The following USP34 variants were observed in gnomAD, a reference collection of about 807,000 sequenced individuals.
USP34 encodes ubiquitin specific peptidase 34.
Under a neutral mutation model 460.3 loss-of-function variants are expected in USP34, and 70 were observed. The observed-to-expected ratio is 0.15, with a 90% confidence interval of 0.13 to 0.19. USP34 has a LOEUF of 0.19. Ranked by LOEUF, USP34 falls within the 10% of genes least tolerant of loss-of-function variation. The pLI is 1.00. For synonymous variants in USP34, 1,647 were observed against 1,405.3 expected (o/e 1.17, Z -3.85); for missense variants, 3,985 against 4,236.2 (o/e 0.94, Z 1.65).
chr2:61,331,451 A>T (rs1691258477), intron 19 of USP34, 80 bp from the exon 20 acceptor site: 2 of 1,132,618 alleles, frequency 1.8e-6, no homozygotes, highest in East Asian at 2.8e-5. Flanking sequence ...TAAATATGCA[A>T]ATCTAAAAAA....
At position 61,379,634 on chromosome 2, in the gene USP34, TTC is replaced by T. The variant is rs144667007; in HGVS notation, c.1014+533_1014+534del. Among the ~76,000 whole-genome samples the T allele has an allele frequency of 1.3e-3, 196 of 152,334 alleles. 2 individuals are homozygous for T. In the East Asian group the frequency reaches 0.034, roughly 27 times the overall value. On this transcript the variant is annotated intron_variant, in intron 7 of 79. Coordinates refer to ENST00000398571, the MANE Select transcript of USP34 (RefSeq NM_014709.4). ...CTGAGGGATAAAGTTAATTACTTAG[TTC>T]TAACAGACTGTTGTTATGCAAGAAT...
At chr2:61,393,241 G>C (rs571446935) in intron 5 of USP34, among the ~76,000 whole-genome samples, 1 of 152,024 alleles carries the variant, frequency 6.6e-6, no homozygotes, top group East Asian at 1.9e-4. Context: ...GACCAGCCTA[G>C]CCAACATGGT....
intron 1 of USP34, among the ~76,000 whole-genome samples, chr2:61,467,625 T>TTG (rs1488189184): frequency 4.9e-5 from 7 of 142,164 alleles, no homozygotes; most frequent in Middle Eastern, 3.5e-3. Context: ...TTGTTTTTTT[T>TTG]TTTTTTTTTT....
At chr2:61,379,262 T>C (rs1298351632) in intron 7 of USP34, among the ~76,000 whole-genome samples, 1 of 152,206 alleles carries the variant, frequency 6.6e-6, no homozygotes, top group Non-Finnish European at 1.5e-5. Context: ...CTCACGCCTG[T>C]AATCCCAACA....
chr2:61,252,542 C>T (rs928950372), intron 48 of USP34, among the ~76,000 whole-genome samples: 11 of 152,088 alleles, frequency 7.2e-5, no homozygotes, highest in Admixed American at 5.9e-4. Context: ...AATAATTTTC[C>T]ACTGCACATA....
rs374534983 is a variant in USP34 at position 61,311,500 on chromosome 2, G to T, written c.3817+40C>A. 51 of 452,820 alleles carry T rather than the reference G, an allele frequency of 1.1e-4. No individual in the cohort carries two copies. The African/African-American group carries it at 3.8e-3, about 34-fold the overall frequency. 28.1% of individuals were successfully genotyped at this position (452,820 alleles called of 1,614,324 possible). On this transcript the variant is annotated intron_variant, in intron 27 of 79. Transcript: ENST00000398571. ...AAAGAGAAAGAGAAAAAGAAAGAAA[G>T]AGAGAAAGAGAAAGAGAAAATTTGA... is the stretch of plus-strand genomic sequence containing the variant.
chr2:61,217,042 C>T lies in USP34; in HGVS notation c.8048-2348G>A, dbSNP rs78461717. On this transcript the variant is annotated intron_variant, in intron 67 of 79. Transcript: ENST00000398571. The stretch of plus-strand genomic sequence containing the variant: ...TCTACTAAGACCACAGACCTACCAC[C>T]GAGATTCTACAATTAACATTTCACT... Among the ~76,000 whole-genome samples the T allele has an allele frequency of 8.1e-3, 1,228 of 152,080 alleles. 20 individuals carry two copies. The highest frequency in any genetic ancestry group is 0.028 in the African/African-American group (1,168 of 41,458).
At chr2:61,449,012 G>A (rs186379853) in intron 1 of USP34, among the ~76,000 whole-genome samples, 60 of 152,242 alleles carry the variant, frequency 3.9e-4, no homozygotes, top group African/African-American at 1.4e-3. Flanking sequence ...AAATTAGCAA[G>A]GTGTGGTGGC....
intron 1 of USP34, among the ~76,000 whole-genome samples, chr2:61,425,220 G>A (rs540691909): frequency 6.6e-6 from 1 of 152,042 alleles, no homozygotes; most frequent in Non-Finnish European, 1.5e-5. Flanking sequence ...GATCTACATA[G>A]AAAAAACACC....
intron 1 of USP34, among the ~76,000 whole-genome samples, chr2:61,447,254 CAAAAAAAAAAAAAAAAA>C (rs763711140): frequency 1.0e-4 from 6 of 59,620 alleles, no homozygotes; most frequent in South Asian, 9.8e-4. Context: ...AACTGTCTTC[CAAAAAAAAAAAAAAAAA>C]AAAAAAAAAA....
At chr2:61,409,065 C>A (rs1378908622) in intron 2 of USP34, among the ~76,000 whole-genome samples, 1 of 151,224 alleles carries the variant, frequency 6.6e-6, no homozygotes, top group South Asian at 2.1e-4. Flanking sequence ...ATTAAAAATA[C>A]AAAAATTAGC....
At position 61,375,768 on chromosome 2, in the gene USP34, CAAAAAAAAAAA is replaced by C. The variant is rs56304309; in HGVS notation, c.1076+2584_1076+2594del. On this transcript the variant is annotated intron_variant, in intron 8 of 79. Coordinates refer to ENST00000398571, the MANE Select transcript of USP34 (RefSeq NM_014709.4). ...TGGGTGACAGACCAAGACTCTGTCT[CAAAAAAAAAAA>C]AAAAAAAAAAAAAAAGTAGAAACAA... Among the ~76,000 whole-genome samples the C allele has an allele frequency of 7.8e-4, 63 of 80,872 alleles. 1 individual carries two copies. The highest frequency in any genetic ancestry group is 8.1e-3 in the Middle Eastern group (1 of 124). 53.1% of individuals were successfully genotyped at this position (80,872 alleles called of 152,430 possible).
At chr2:61,412,807 T>C (rs969351779) in intron 2 of USP34, among the ~76,000 whole-genome samples, 2 of 148,802 alleles carry the variant, frequency 1.3e-5, no homozygotes, top group East Asian at 4.0e-4. Flanking sequence ...GAGAATCACT[T>C]GAGCCCAGGA....
chr2:61,460,802 G>C (rs1695575916), intron 1 of USP34, among the ~76,000 whole-genome samples: 2 of 151,902 alleles, frequency 1.3e-5, no homozygotes, highest in South Asian at 4.1e-4. Context: ...GGCCAACATG[G>C]AGAAACTCTG....
intron 30 of USP34, among the ~76,000 whole-genome samples, chr2:61,296,345 G>A (rs1223821097): frequency 2.6e-5 from 4 of 152,090 alleles, no homozygotes; most frequent in East Asian, 1.9e-4. Flanking sequence ...GTGAGGTGGT[G>A]TCCATATGGA....
chr2:61,298,537 CAAAAAAAAAAAAAAAAA>C (rs57087400), intron 29 of USP34, among the ~76,000 whole-genome samples: 259 of 28,298 alleles, frequency 9.2e-3, no homozygotes, highest in Middle Eastern at 0.05. Flanking sequence ...GACTCTGTCT[CAAAAAAAAAAAAAAAAA>C]AAAAAAAAAA....
intron 18 of USP34, among the ~76,000 whole-genome samples, chr2:61,334,909 TAA>T (rs1243314362): frequency 2.0e-5 from 3 of 152,356 alleles, no homozygotes; most frequent in Admixed American, 2.0e-4. Context: ...TAAAGATTTT[TAA>T]GAGTTTTTCC....
chr2:61,248,437 A>G, intron 49 of USP34, 74 bp downstream of exon 49: 1 of 1,445,440 alleles, frequency 6.9e-7, no homozygotes, highest in Non-Finnish European at 9.2e-7. Context: ...GTTGATGACA[A>G]CTTTATAATT....
chr2:61,424,496 G>A (rs538033256), intron 1 of USP34, among the ~76,000 whole-genome samples: 14 of 152,186 alleles, frequency 9.2e-5, no homozygotes, highest in African/African-American at 1.7e-4. Context: ...CCAGAAATGC[G>A]TTTCAGTTTT....
Sources: gnomAD v4.1 joint callset for allele counts (sites outside exome capture counted in the v4.1 genomes callset) on GRCh38, gnomAD v4.1.1 for gene constraint, MANE v1.5 for transcripts, NCBI Gene and HGNC (gene_info 2026-07-23, HGNC 2026-07-21) for gene names.